The following AGBL4 variants were observed in gnomAD, a reference collection of about 807,000 sequenced individuals.
AGBL4 encodes cytosolic carboxypeptidase 6.
A neutral mutation model predicts 66.4 loss-of-function variants in AGBL4; 58 were observed. That is an observed-to-expected ratio of 0.87 (90% CI 0.71 to 1.09). AGBL4 has a LOEUF of 1.09. Ranked by LOEUF, AGBL4 falls within the 50% of genes least tolerant of loss-of-function variation. The pLI is 0.00. For synonymous variants in AGBL4, 234 were observed against 222.9 expected (o/e 1.05, Z -0.44); for missense variants, 579 against 631.0 (o/e 0.92, Z 0.88).
At chr1:48,644,001 A>G (rs538734042) in intron 8 of AGBL4, among the ~76,000 whole-genome samples, 1 of 152,106 alleles carries the variant, frequency 6.6e-6, no homozygotes, top group Non-Finnish European at 1.5e-5. Context: ...TCCTGCTTTT[A>G]TCAATAATAA....
At chr1:49,889,925 C>T (rs1648466476) in intron 1 of AGBL4, among the ~76,000 whole-genome samples, 1 of 152,064 alleles carries the variant, frequency 6.6e-6, no homozygotes, top group South Asian at 2.1e-4. Flanking sequence ...TTAAGGAATA[C>T]AAATGTAGAA....
intron 2 of AGBL4, among the ~76,000 whole-genome samples, chr1:49,712,344 A>G (rs140117957): frequency 1.3e-5 from 2 of 151,906 alleles, no homozygotes; most frequent in African/African-American, 2.4e-5. Flanking sequence ...GTTAGACACA[A>G]AAAGAAAAAT....
At chr1:49,398,213 G>C (rs1030191100) in intron 3 of AGBL4, among the ~76,000 whole-genome samples, 2 of 152,144 alleles carry the variant, frequency 1.3e-5, no homozygotes, top group African/African-American at 2.4e-5. Flanking sequence ...TGAATGAGTA[G>C]ACTGAGTAAA....
chr1:48,754,676 A>G (rs1652262567), intron 6 of AGBL4, among the ~76,000 whole-genome samples: 1 of 152,160 alleles, frequency 6.6e-6, no homozygotes. Flanking sequence ...TTCCTTATTT[A>G]ATTTTGACAG....
intron 3 of AGBL4, among the ~76,000 whole-genome samples, chr1:49,333,367 A>T (rs1187389793): frequency 6.6e-6 from 1 of 152,172 alleles, no homozygotes; most frequent in Non-Finnish European, 1.5e-5. Context: ...AATCCCAGCC[A>T]CTTGGGAGGC....
intron 6 of AGBL4, among the ~76,000 whole-genome samples, chr1:48,744,502 G>C (rs780823185): frequency 1.1e-4 from 16 of 151,886 alleles, no homozygotes; most frequent in Admixed American, 2.0e-4. Flanking sequence ...TCAGTCAACA[G>C]AAAAAAAATA....
intron 3 of AGBL4, among the ~76,000 whole-genome samples, chr1:49,254,820 T>G (rs1383613426): frequency 1.3e-5 from 2 of 152,060 alleles, no homozygotes; most frequent in Non-Finnish European, 2.9e-5. Flanking sequence ...AACAGAAACA[T>G]AGACCAATGG....
In AGBL4 at chr1:49,361,916, T is replaced by C. The variant is rs573453004; in HGVS notation, c.283-116052A>G. ...TTCCCATATTCAACTGTTTAATCAA[T>C]ATCTGTAATTGAATGTATAATAGGT... On this transcript the variant is annotated intron_variant, in intron 3 of 13. Coordinates refer to ENST00000371839, the MANE Select transcript of AGBL4 (RefSeq NM_032785.4). 6.6e-5 allele frequency among the ~76,000 whole-genome samples: 10 copies of C among 152,312 alleles called. No individual in the cohort carries two copies. The South Asian group carries it at 1.9e-3, about 28-fold the overall frequency.
chr1:48,587,754 T>G (rs967339590), intron 10 of AGBL4, among the ~76,000 whole-genome samples: 1 of 151,502 alleles, frequency 6.6e-6, no homozygotes, highest in African/African-American at 2.4e-5. Context: ...GCCATTCTCC[T>G]GCCTCAGCCT....
intron 3 of AGBL4, among the ~76,000 whole-genome samples, chr1:49,507,914 C>A (rs1001371917): frequency 6.6e-6 from 1 of 151,736 alleles, no homozygotes; most frequent in African/African-American, 2.4e-5. Context: ...AGACATTTTT[C>A]TTCTTGATTT....
chr1:49,848,110 A>C (rs1176370066), intron 2 of AGBL4, among the ~76,000 whole-genome samples: 2 of 152,358 alleles, frequency 1.3e-5, no homozygotes, highest in East Asian at 3.9e-4. Flanking sequence ...AAAGCAAAAA[A>C]ATAATAGATG....
intron 4 of AGBL4, among the ~76,000 whole-genome samples, chr1:49,193,683 G>A (rs1022002701): frequency 1.9e-4 from 29 of 150,518 alleles, no homozygotes; most frequent in East Asian, 1.8e-3. Context: ...GCCCGCCACC[G>A]TGCCAGGCTA....
intron 2 of AGBL4, chr1:49,842,530 A>C (rs898222212): frequency 1.0e-6 from 1 of 987,570 alleles, no homozygotes; most frequent in Non-Finnish European, 1.2e-6. Context: ...ACTCAGTCTT[A>C]GTGAAGATTT....
At chr1:49,925,000 A>T (rs1414211242) in intron 1 of AGBL4, among the ~76,000 whole-genome samples, 1 of 152,212 alleles carries the variant, frequency 6.6e-6, no homozygotes, top group Non-Finnish European at 1.5e-5. Flanking sequence ...GCTAAGAGCC[A>T]GTAAATGGGA....
At chr1:49,895,319 C>A (rs1299858917) in intron 1 of AGBL4, among the ~76,000 whole-genome samples, 1 of 151,388 alleles carries the variant, frequency 6.6e-6, no homozygotes, top group African/African-American at 2.4e-5. Context: ...TCAGAAGGCA[C>A]AAAAATCACA....
chr1:49,878,343 G>C lies in AGBL4; in HGVS notation c.35-26825C>G, dbSNP rs1351389807. On this transcript the variant is annotated intron_variant, in intron 1 of 13. Coordinates refer to ENST00000371839, the MANE Select transcript of AGBL4 (RefSeq NM_032785.4). ...CACACTGCTTTGAATGTGTCCCAGA[G>C]ATTCTGGTATGTTGTGTCTTTGTTC... Among the ~76,000 whole-genome samples, 56 of 149,582 alleles carry C rather than the reference G, an allele frequency of 3.7e-4. No homozygotes were observed. In the South Asian group the frequency reaches 4.1e-3, roughly 11 times the overall value.
At chr1:49,045,031 A>G (rs1241201310) in intron 5 of AGBL4, among the ~76,000 whole-genome samples, 2 of 152,306 alleles carry the variant, frequency 1.3e-5, no homozygotes, top group East Asian at 3.9e-4. Flanking sequence ...GGAGACTGAA[A>G]TCTCTAGACC....
intron 5 of AGBL4, among the ~76,000 whole-genome samples, chr1:48,892,598 G>A (rs948486700): frequency 3.9e-5 from 6 of 152,104 alleles, no homozygotes; most frequent in Non-Finnish European, 5.9e-5. Flanking sequence ...CACTTGAAGC[G>A]GGGAGGGGGC....
At chr1:49,540,718 G>T (rs1409328044) in intron 3 of AGBL4, among the ~76,000 whole-genome samples, 1 of 152,056 alleles carries the variant, frequency 6.6e-6, no homozygotes, top group Admixed American at 6.6e-5. Flanking sequence ...AATATAGAAA[G>T]ATATTGAATC....
Sources: gnomAD v4.1 joint callset for allele counts (sites outside exome capture counted in the v4.1 genomes callset) on GRCh38, gnomAD v4.1.1 for gene constraint, MANE v1.5 for transcripts, NCBI Gene and HGNC (gene_info 2026-07-23, HGNC 2026-07-21) for gene names.